Variants in ZFAT observed in about 807,000 individuals in gnomAD.
The protein encoded by ZFAT is zinc finger protein ZFAT.
A neutral mutation model predicts 117.7 loss-of-function variants in ZFAT; 64 were observed. The ratio of observed to expected loss-of-function variants is 0.54; its 90% CI spans 0.44 to 0.67. The LOEUF (loss-of-function observed/expected upper bound fraction) is 0.67. ZFAT is among the 30% of genes least tolerant of loss of function. The pLI, the probability that ZFAT is intolerant of heterozygous loss-of-function variation, is 0.00. For missense variants in ZFAT, 1,433 were observed against 1,584.5 expected (o/e 0.90, Z 1.62); for synonymous variants, 679 against 615.0 (o/e 1.10, Z -1.54).
chr8:134,687,792 A>C (rs7839162), intron 1 of ZFAT, among the ~76,000 whole-genome samples: 116,384 of 152,104 alleles, frequency 0.77, 44,720 homozygotes, highest in South Asian at 0.83. Context: ...CATTTTCTAG[A>C]GTACTGGGGA....
At chr8:134,678,082 T>C (rs578078967) in intron 1 of ZFAT, among the ~76,000 whole-genome samples, 82 of 152,300 alleles carry the variant, frequency 5.4e-4, no homozygotes, top group East Asian at 3.5e-3. Context: ...AACACAGTAC[T>C]GGAAGCTCTG....
chr8:134,781,121 C>A, the ZFAT span, among the ~76,000 whole-genome samples: 1 of 151,660 alleles, frequency 6.6e-6, no homozygotes, highest in African/African-American at 2.4e-5. Flanking sequence ...TACTAGAAAT[C>A]TTCTTATTAT....
chr8:134,539,310 G>C (rs1379417768), intron 11 of ZFAT, among the ~76,000 whole-genome samples: 4 of 152,200 alleles, frequency 2.6e-5, no homozygotes, highest in Non-Finnish European at 5.9e-5. Context: ...GAGTTGCTCT[G>C]TTGGCTCCTA....
intron 12 of ZFAT, among the ~76,000 whole-genome samples, chr8:134,524,999 G>A (rs940417863): frequency 6.6e-6 from 1 of 152,234 alleles, no homozygotes; most frequent in Non-Finnish European, 1.5e-5. Context: ...TTGGGATGGT[G>A]AAGTAACCCT....
At chr8:134,640,476 G>A (rs1008143436) in intron 2 of ZFAT, among the ~76,000 whole-genome samples, 6 of 152,178 alleles carry the variant, frequency 3.9e-5, no homozygotes, top group South Asian at 2.1e-4. Context: ...ACAGCACAGC[G>A]TGTGGTACAG....
chr8:134,482,257 G>A (rs1265400610), intron 15 of ZFAT, among the ~76,000 whole-genome samples: 1 of 152,166 alleles, frequency 6.6e-6, no homozygotes, highest in Admixed American at 6.5e-5. Flanking sequence ...CTGCAAGTGG[G>A]AGGCGTTTAG....
chr8:134,601,002 G>T (rs1160048994), intron 6 of ZFAT, among the ~76,000 whole-genome samples: 3 of 152,130 alleles, frequency 2.0e-5, no homozygotes, highest in African/African-American at 7.2e-5. Context: ...GGGACAGCAG[G>T]TCTGGAGCTG....
chr8:134,790,708 C>T, the ZFAT span, among the ~76,000 whole-genome samples: 2 of 152,188 alleles, frequency 1.3e-5, no homozygotes, highest in South Asian at 2.1e-4. Flanking sequence ...CTAGCTTATT[C>T]CTTCTGTTTT....
intron 2 of ZFAT, among the ~76,000 whole-genome samples, chr8:134,645,191 C>T (rs751435201): frequency 1.2e-4 from 19 of 152,128 alleles, no homozygotes; most frequent in Non-Finnish European, 2.5e-4. Context: ...CACGTTATAA[C>T]GAGAGACCAA....
In ZFAT at chr8:134,654,226, C is replaced by T. The variant is rs930640496; in HGVS notation, c.196+3335G>A. Among the ~76,000 whole-genome samples the T allele has an allele frequency of 2.6e-5, 4 of 151,824 alleles. No homozygotes were observed. The East Asian group carries it at 7.7e-4, about 29-fold the overall frequency. ...AGGAGAATCACTTGAACCCGGGAGACGGACGTTGCAGTGAGCCAAGATCAC... is the reference window on the plus strand; with the variant it reads ...AGGAGAATCACTTGAACCCGGGAGATGGACGTTGCAGTGAGCCAAGATCAC... On this transcript the variant is annotated intron_variant, in intron 2 of 15. Coordinates refer to ENST00000377838, the MANE Select transcript of ZFAT (RefSeq NM_020863.4).
intron 11 of ZFAT, among the ~76,000 whole-genome samples, chr8:134,536,273 T>C (rs1156867697): frequency 6.6e-6 from 1 of 152,218 alleles, no homozygotes; most frequent in Non-Finnish European, 1.5e-5. Context: ...CATGAAAGAC[T>C]TTCTTCTGTA....
chr8:134,828,345 A>C, the ZFAT span, among the ~76,000 whole-genome samples: 1 of 152,208 alleles, frequency 6.6e-6, no homozygotes, highest in South Asian at 2.1e-4. Flanking sequence ...TGGGCTTTTG[A>C]CCCATATTCA....
chr8:134,568,730 T>TA (rs1366445409), intron 10 of ZFAT, among the ~76,000 whole-genome samples: 1 of 152,170 alleles, frequency 6.6e-6, no homozygotes, highest in Non-Finnish European at 1.5e-5. Flanking sequence ...GCCCTGGCAA[T>TA]AAATATTACT....
chr8:134,713,252 C>T (rs1335730512), upstream of ZFAT, among the ~76,000 whole-genome samples: 1 of 152,218 alleles, frequency 6.6e-6, no homozygotes, highest in Non-Finnish European at 1.5e-5. Context: ...GCGCGGATCT[C>T]GGGGTCAGGA....
At chr8:134,799,151 A>G in the ZFAT span, among the ~76,000 whole-genome samples, 3 of 150,466 alleles carry the variant, frequency 2.0e-5, no homozygotes, top group African/African-American at 7.3e-5. Context: ...ATATAATTAG[A>G]AAAACAGCAC....
At chr8:134,507,511 A>G (rs1819503319) in intron 15 of ZFAT, among the ~76,000 whole-genome samples, 1 of 151,850 alleles carries the variant, frequency 6.6e-6, no homozygotes, top group South Asian at 2.1e-4. Context: ...CAACAGCACC[A>G]CTCTTTGCTG....
intron 3 of ZFAT, among the ~76,000 whole-genome samples, chr8:134,620,604 T>C (rs1363243691): frequency 6.6e-6 from 1 of 152,208 alleles, no homozygotes; most frequent in Non-Finnish European, 1.5e-5. Flanking sequence ...TCCCTTGCAC[T>C]GAGATACAAT....
Position 134,602,103 on chromosome 8 carries a change from T to A in ZFAT, c.1616A>T (p.Asp539Val), listed in dbSNP as rs766342101. 1 of 1,612,158 alleles carries A rather than the reference T, an allele frequency of 6.2e-7. No individual in the cohort carries two copies. Among genetic ancestry groups the A allele is most frequent in the Admixed American group, 1.7e-5 (1 of 59,842 alleles). ...NALKEEACPGDTQLEEGRKEP... is the reference protein window; with the variant it reads ...NALKEEACPGVTQLEEGRKEP... ...CTTCCGGCCCTCCTCCAGCTGAGTGTCCCCAGGACAGGCCTCTTCCTTGAG... is the reference window on the plus strand; with the variant it reads ...CTTCCGGCCCTCCTCCAGCTGAGTGACCCCAGGACAGGCCTCTTCCTTGAG... Residue 539 changes from aspartate (D) to valine (V), a missense_variant, in exon 6 of 16, where the codon GAC (aspartate) becomes GTC (valine). Around this residue, in one of 5 missense-constraint regions of ZFAT, gnomAD observed 372 missense variants for 355.6 expected, o/e 1.05. Coordinates refer to ENST00000377838, the MANE Select transcript of ZFAT (RefSeq NM_020863.4).
At chr8:134,832,318 G>A in the ZFAT span, among the ~76,000 whole-genome samples, 3 of 151,784 alleles carry the variant, frequency 2.0e-5, no homozygotes, top group Admixed American at 2.0e-4. Context: ...GCGGCTGTGC[G>A]CGCGCGTGTA....
Sources: gnomAD v4.1 joint callset for allele counts (sites outside exome capture counted in the v4.1 genomes callset) on GRCh38, gnomAD v4.1.1 for gene constraint, gnomAD v4.1.1 regional missense constraint, MANE v1.5 for transcripts, NCBI Gene and HGNC (gene_info 2026-07-23, HGNC 2026-07-21) for gene names.